The following CRTC1 variants were observed in gnomAD, a reference collection of about 807,000 sequenced individuals.
The protein encoded by CRTC1 is CREB-regulated transcription coactivator 1.
A neutral mutation model predicts 66.1 loss-of-function variants in CRTC1; 18 were observed. The ratio of observed to expected loss-of-function variants is 0.27; its 90% CI spans 0.19 to 0.40. The LOEUF (loss-of-function observed/expected upper bound fraction) is 0.40, where lower values mean the gene tolerates loss of function less well. Among genes scored for constraint, CRTC1 ranks in the 10% least tolerant of loss-of-function variants. The pLI is 1.00. For missense variants in CRTC1, 669 were observed against 887.9 expected, an observed-to-expected ratio of 0.75 and a Z score of 3.13; for synonymous variants, 416 against 398.8, an observed-to-expected ratio of 1.04 and a Z score of -0.51.
chr19:18,713,099 C>T (rs2053428087), intron 1 of CRTC1, among the ~76,000 whole-genome samples: 1 of 152,144 alleles, frequency 6.6e-6, no homozygotes, highest in Non-Finnish European at 1.5e-5. Flanking sequence ...TGGAATCTCA[C>T]ACTATGTGGC....
chr19:18,729,094 T>C (rs2145667691), intron 1 of CRTC1, among the ~76,000 whole-genome samples: 1 of 145,270 alleles, frequency 6.9e-6, no homozygotes, highest in African/African-American at 2.5e-5. Context: ...ATTACAGGCG[T>C]GAGCCACCGC....
At chr19:18,767,450 C>T (rs2054761781) in intron 9 of CRTC1, among the ~76,000 whole-genome samples, 1 of 152,162 alleles carries the variant, frequency 6.6e-6, no homozygotes, top group South Asian at 2.1e-4. Context: ...CACCCTGTCT[C>T]AGCTTTCCGA....
At chr19:18,746,505 C>T (rs1260720427) in intron 3 of CRTC1, among the ~76,000 whole-genome samples, 1 of 151,696 alleles carries the variant, frequency 6.6e-6, no homozygotes, top group Non-Finnish European at 1.5e-5. Context: ...CTCAGCCGCC[C>T]CTTGGTGCTC....
At chr19:18,758,162 C>T (rs939052500) in intron 6 of CRTC1, among the ~76,000 whole-genome samples, 3 of 151,294 alleles carry the variant, frequency 2.0e-5, no homozygotes, top group African/African-American at 7.3e-5. Flanking sequence ...GAGATGGAGA[C>T]CCTCCTGGCT....
chr19:18,745,585 C>T (rs1282673128), intron 2 of CRTC1, among the ~76,000 whole-genome samples: 2 of 152,198 alleles, frequency 1.3e-5, no homozygotes, highest in African/African-American at 2.4e-5. Flanking sequence ...CTGCACTGCA[C>T]GCCCCTGCCA....
At chr19:18,719,891 G>C (rs1451018556) in intron 1 of CRTC1, among the ~76,000 whole-genome samples, 1 of 152,222 alleles carries the variant, frequency 6.6e-6, no homozygotes, top group East Asian at 1.9e-4. Context: ...GGCCCGCTCC[G>C]GGAAGGCCCC....
Position 18,771,626 on chromosome 19 carries a change from C to G in CRTC1, c.1425+80C>G, listed in dbSNP as rs914594704. ...GCCCCGTGTGTTCCCTGCCCACTGT[C>G]TGTCCTCATGCATCGCTCCTCATGC... On this transcript the variant is annotated intron_variant, in intron 11 of 13. Coordinates refer to ENST00000321949, the MANE Select transcript of CRTC1 (RefSeq NM_015321.3). The surrounding 1 kb of genome is among the most constrained non-coding windows in gnomAD (Gnocchi z 4.6). 1 of 1,086,716 alleles carries G rather than the reference C, an allele frequency of 9.2e-7. No individual in the cohort carries two copies. The highest frequency in any genetic ancestry group is 1.6e-5 in the African/African-American group (1 of 63,868). The allele number at this position is 1,086,716 out of a possible 1,614,324, so 67.3% of individuals were successfully genotyped here.
At position 18,777,326 on chromosome 19, in the gene CRTC1, G is replaced by A. The variant is rs749787883; in HGVS notation, c.1849G>A (p.Asp617Asn). 7.5e-6 allele frequency: 12 copies of A among 1,610,372 alleles called. No homozygotes were observed. Among genetic ancestry groups the A allele is most frequent in the East Asian group, 4.5e-5 (2 of 44,884 alleles). The change falls in exon 14 of 14, where the codon GAC (aspartate) becomes AAC (asparagine). Residue 617 changes from aspartate to asparagine, a missense_variant. Physicochemically the swap from Asp to Asn is conservative, Grantham distance 23 (BLOSUM62 1). Transcript: ENST00000321949. The surrounding 1 kb of genome is among the most constrained non-coding windows in gnomAD (Gnocchi z 5.5). ...CGGACTGCACATGCTCAACGACCCC[G>A]ACATGGTTCTGGCCGACCCAGCCAC... ...LDGLHMLNDP[D>N]MVLADPATED... is the part of the protein sequence containing the mutation.
intron 1 of CRTC1, among the ~76,000 whole-genome samples, chr19:18,728,815 CTT>C (rs35465891): frequency 1.3e-4 from 10 of 79,368 alleles, no homozygotes; most frequent in Non-Finnish European, 1.1e-4. Context: ...CTCACCTGGC[CTT>C]TTTTTTTTTT....
chr19:18,737,720 C>T (rs1203240603), intron 1 of CRTC1, among the ~76,000 whole-genome samples: 1 of 122,470 alleles, frequency 8.2e-6, no homozygotes, highest in Non-Finnish European at 1.8e-5. Context: ...CAAGACCAAG[C>T]TGCCGCCCTC....
chr19:18,732,126 A>G (rs541668188), intron 1 of CRTC1, among the ~76,000 whole-genome samples: 1 of 152,126 alleles, frequency 6.6e-6, no homozygotes, highest in East Asian at 1.9e-4. Flanking sequence ...CTGCAGAAAG[A>G]CACAGGCAGG....
chr19:18,735,917 C>T (rs1050855438), intron 1 of CRTC1, among the ~76,000 whole-genome samples: 5 of 152,204 alleles, frequency 3.3e-5, no homozygotes, highest in African/African-American at 1.2e-4. Context: ...GGCTGGCTGC[C>T]ATGTCCACTG....
chr19:18,729,581 C>A (rs1021751570), intron 1 of CRTC1, among the ~76,000 whole-genome samples: 1 of 151,782 alleles, frequency 6.6e-6, no homozygotes, highest in African/African-American at 2.4e-5. Flanking sequence ...CGCGTCTCTA[C>A]TAAAAATAAA....
chr19:18,710,854 C>T (rs1459179730), intron 1 of CRTC1, among the ~76,000 whole-genome samples: 2 of 152,092 alleles, frequency 1.3e-5, no homozygotes, highest in South Asian at 2.1e-4. Flanking sequence ...TGACCTCAAG[C>T]GATCCACAGC....
At chr19:18,710,665 G>A (rs1227999974) in intron 1 of CRTC1, among the ~76,000 whole-genome samples, 8 of 152,170 alleles carry the variant, frequency 5.3e-5, no homozygotes, top group African/African-American at 1.9e-4. Context: ...AAGCTGGAGT[G>A]CAATGGCTTG....
At position 18,760,950 on chromosome 19, in the gene CRTC1, AGCCATG is replaced by A. The variant is rs2054600490; in HGVS notation, c.886+725_886+730del. Among the ~76,000 whole-genome samples the A allele has an allele frequency of 7.5e-6, 1 of 132,546 alleles. No individual in the cohort carries two copies. Among genetic ancestry groups the A allele is most frequent in the Admixed American group, 7.7e-5 (1 of 13,034 alleles). 87.0% of individuals were successfully genotyped at this position (132,546 alleles called of 152,430 possible). Reference sequence around the variant, plus strand: ...CCCCTCCCCACCTAGAACAGCCACCAGCCATGGCTTCCTCCACTTGGGACCTCGCAC... The same window carrying A: ...CCCCTCCCCACCTAGAACAGCCACCAGCTTCCTCCACTTGGGACCTCGCAC... On this transcript the variant is annotated intron_variant, in intron 8 of 13. Coordinates refer to ENST00000321949, the MANE Select transcript of CRTC1 (RefSeq NM_015321.3). The surrounding 1 kb of genome is among the most constrained non-coding windows in gnomAD (Gnocchi z 6.2).
intron 1 of CRTC1, among the ~76,000 whole-genome samples, chr19:18,693,896 G>A (rs1014610191): frequency 6.6e-6 from 1 of 151,980 alleles, no homozygotes; most frequent in Admixed American, 6.6e-5. Context: ...AGCTTTGGGA[G>A]GCCAAGGCAG....
At chr19:18,733,896 G>A (rs1174362691) in intron 1 of CRTC1, among the ~76,000 whole-genome samples, 1 of 152,142 alleles carries the variant, frequency 6.6e-6, no homozygotes, top group Non-Finnish European at 1.5e-5. Flanking sequence ...ATCACTTGAG[G>A]TCAAGAGTTC....
rs768939895 is a variant in CRTC1 at position 18,765,510 on chromosome 19, G to A, written c.993G>A (p.Pro331=). Residue 331 remains proline, a synonymous_variant, in exon 9 of 14, where the codon CCG becomes CCA. Transcript: ENST00000321949. The part of the protein sequence containing the change: ...RRQQASPTLS[P]LSPITQAVAM... ...AGCAGGCATCGCCCACCCTGTCCCC[G>A]CTGTCACCCATCACTCAGGTGCGAG... 1.7e-5 allele frequency: 28 copies of A among 1,606,500 alleles called. No individual in the cohort carries two copies. The highest frequency in any genetic ancestry group is 6.7e-5 in the East Asian group (3 of 44,842).
Sources: gnomAD v4.1 joint callset for allele counts (sites outside exome capture counted in the v4.1 genomes callset) on GRCh38, gnomAD v4.1.1 for gene constraint, Gnocchi (gnomAD v3.1) non-coding constraint, MANE v1.5 for transcripts, NCBI Gene and HGNC (gene_info 2026-07-23, HGNC 2026-07-21) for gene names.